The following DCC variants were observed in gnomAD, a reference collection of about 807,000 sequenced individuals.
DCC encodes DCC netrin 1 receptor.
A neutral mutation model predicts 172.5 loss-of-function variants in DCC; 58 were observed. That is an observed-to-expected ratio of 0.34 (90% CI 0.27 to 0.42). The LOEUF (loss-of-function observed/expected upper bound fraction) is 0.42. DCC is among the 10% of genes least tolerant of loss of function. The pLI is 1.00. For synonymous variants in DCC, 709 were observed against 644.5 expected, an observed-to-expected ratio of 1.10 and a Z score of -1.52; for missense variants, 1,740 against 1,791.0, an observed-to-expected ratio of 0.97 and a Z score of 0.51.
chr18:52,421,761 G>C (rs16954946), intron 1 of DCC, among the ~76,000 whole-genome samples: 3,212 of 152,276 alleles, frequency 0.021, 52 homozygotes, highest in Admixed American at 0.039. Flanking sequence ...CAGAGAGAGA[G>C]ACCAACAGAA....
At chr18:52,700,809 A>C (rs72914265) in intron 1 of DCC, among the ~76,000 whole-genome samples, 2,260 of 152,358 alleles carry the variant, frequency 0.015, 31 homozygotes, top group Non-Finnish European at 0.023. Flanking sequence ...GCACTTTAGG[A>C]ATCACCAGGA....
intron 27 of DCC, among the ~76,000 whole-genome samples, chr18:53,515,212 C>T (rs2046318654): frequency 6.6e-6 from 1 of 151,994 alleles, no homozygotes; most frequent in African/African-American, 2.4e-5. Flanking sequence ...ATGATTATCT[C>T]AATAGATGCA....
At chr18:52,581,133 CATAA>C (rs1419129877) in intron 1 of DCC, among the ~76,000 whole-genome samples, 9 of 132,812 alleles carry the variant, frequency 6.8e-5, no homozygotes, top group African/African-American at 2.2e-4. Flanking sequence ...CAGATAAATA[CATAA>C]ATAAATATAT....
At chr18:52,775,816 G>A (rs1367552957) in intron 2 of DCC, among the ~76,000 whole-genome samples, 2 of 152,182 alleles carry the variant, frequency 1.3e-5, no homozygotes, top group East Asian at 1.9e-4. Flanking sequence ...TGTGGTCTTG[G>A]AAAATGCAAC....
intron 5 of DCC, among the ~76,000 whole-genome samples, chr18:52,943,738 GTTT>G (rs57468587): frequency 3.1e-4 from 25 of 81,530 alleles, no homozygotes; most frequent in Admixed American, 8.0e-4. Flanking sequence ...GCAATTTATG[GTTT>G]TTTTTTTTGT....
chr18:52,411,987 A>T (rs77141580), intron 1 of DCC, among the ~76,000 whole-genome samples: 2,989 of 152,190 alleles, frequency 0.02, 55 homozygotes, highest in Non-Finnish European at 0.032. Flanking sequence ...ACCCCCACTT[A>T]TTAAAATTTT....
At position 52,778,030 on chromosome 18, in the gene DCC, C is replaced by T. The variant is rs1190610970; in HGVS notation, c.412+25656C>T. On this transcript the variant is annotated intron_variant, in intron 2 of 28. Transcript: ENST00000442544. ...ATTACTTACAAGGGTTTTTAATGGTCACCAATATAGATAATCCAAATAGCA... is the reference window on the plus strand; with the variant it reads ...ATTACTTACAAGGGTTTTTAATGGTTACCAATATAGATAATCCAAATAGCA... Among the ~76,000 whole-genome samples, 3 of 152,228 alleles carry T rather than the reference C, an allele frequency of 2.0e-5. No individual in the cohort carries two copies. In the East Asian group the frequency reaches 5.8e-4, roughly 29 times the overall value.
intron 1 of DCC, among the ~76,000 whole-genome samples, chr18:52,572,345 C>T (rs149434974): frequency 6.6e-6 from 1 of 152,240 alleles, no homozygotes; most frequent in Non-Finnish European, 1.5e-5. Context: ...TTTTTACTGC[C>T]CTGTCCCATT....
At chr18:53,078,512 A>C (rs2042752753) in intron 7 of DCC, among the ~76,000 whole-genome samples, 1 of 152,126 alleles carries the variant, frequency 6.6e-6, no homozygotes, top group Non-Finnish European at 1.5e-5. Flanking sequence ...ACAGAATGAC[A>C]AAGCTTCTAT....
At chr18:53,109,052 A>G (rs181507216) in intron 7 of DCC, among the ~76,000 whole-genome samples, 8 of 151,428 alleles carry the variant, frequency 5.3e-5, no homozygotes, top group Non-Finnish European at 5.9e-5. Context: ...CAATTACTCT[A>G]TATTCTCATA....
chr18:52,624,488 TG>T (rs1383736297), intron 1 of DCC, among the ~76,000 whole-genome samples: 1 of 152,214 alleles, frequency 6.6e-6, no homozygotes, highest in Non-Finnish European at 1.5e-5. Context: ...CTGTGGGGTT[TG>T]TTCTCCAGAG....
At chr18:52,560,952 T>C (rs1225758879) in intron 1 of DCC, among the ~76,000 whole-genome samples, 1 of 152,196 alleles carries the variant, frequency 6.6e-6, no homozygotes, top group African/African-American at 2.4e-5. Flanking sequence ...AATTTTTCCT[T>C]ACATTATAAT....
In DCC at chr18:53,205,204, T is replaced by G; in HGVS notation, c.1574-12T>G. On this transcript the variant is annotated splice_polypyrimidine_tract_variant and intron_variant, in intron 9 of 28. Transcript: ENST00000442544. ...TCACTTTTCTTTCTTTCTTTATTAT[T>G]TTTTTATACAGTGCAAGTTCCAGGG... is the stretch of plus-strand genomic sequence containing the variant. 18 of 1,609,474 alleles carry G rather than the reference T, an allele frequency of 1.1e-5. No individual in the cohort carries two copies. The highest frequency in any genetic ancestry group is 1.5e-5 in the Non-Finnish European group (18 of 1,175,884).
intron 1 of DCC, among the ~76,000 whole-genome samples, chr18:52,642,043 T>C (rs1394261833): frequency 0.056 from 455 of 8,188 alleles, 20 homozygotes; most frequent in East Asian, 0.34. Context: ...TATATATATA[T>C]ATACTGTGGT....
At chr18:53,420,228 C>T (rs1337836436) in intron 21 of DCC, among the ~76,000 whole-genome samples, 3 of 152,124 alleles carry the variant, frequency 2.0e-5, no homozygotes, top group East Asian at 1.9e-4. Flanking sequence ...CATTCACATT[C>T]GACGTATAGC....
chr18:52,848,531 C>A (rs2038930296), intron 2 of DCC, among the ~76,000 whole-genome samples: 1 of 151,902 alleles, frequency 6.6e-6, no homozygotes, highest in Admixed American at 6.6e-5. Flanking sequence ...TATTTTTTTC[C>A]CATAGAATTA....
rs1263207099 is a variant in DCC at position 53,426,334 on chromosome 18, GATAT to G, written c.3164-8805_3164-8802del. ...TATATTATATATTTATAAATTTTAT[GATAT>G]ATATTTATAATATATTTTATGATAT... On this transcript the variant is annotated intron_variant, in intron 21 of 28. Coordinates refer to ENST00000442544, the MANE Select transcript of DCC (RefSeq NM_005215.4). Among the ~76,000 whole-genome samples the G allele has an allele frequency of 8.6e-5, 12 of 139,846 alleles. No homozygotes were observed. In the South Asian group the frequency reaches 2.6e-3, roughly 31 times the overall value. 91.7% of individuals were successfully genotyped at this position (139,846 alleles called of 152,430 possible).
At position 52,735,284 on chromosome 18, in the gene DCC, C is replaced by A. The variant is rs2036707555; in HGVS notation, c.92-16770C>A. 2.0e-5 allele frequency among the ~76,000 whole-genome samples: 3 copies of A among 152,052 alleles called. No homozygotes were observed. In the South Asian group the frequency reaches 6.2e-4, roughly 31 times the overall value. On this transcript the variant is annotated intron_variant, in intron 1 of 28. Coordinates refer to ENST00000442544, the MANE Select transcript of DCC (RefSeq NM_005215.4). ...TCATCCCTCCAGGGCTCACTGGTTG[C>A]CAACATCAGTAGTATGATAAGCCAT...
At chr18:52,705,040 C>A (rs1056438564) in intron 1 of DCC, among the ~76,000 whole-genome samples, 2 of 152,072 alleles carry the variant, frequency 1.3e-5, no homozygotes, top group African/African-American at 2.4e-5. Context: ...TCTACAGCTG[C>A]GTCTCTGGCA....
Sources: allele counts gnomAD v4.1 joint callset (sites outside exome capture counted in the v4.1 genomes callset), GRCh38; gene constraint gnomAD v4.1.1; transcripts MANE v1.5; gene names NCBI Gene and HGNC (gene_info 2026-07-23, HGNC 2026-07-21).